The following PSD3 variants were observed in gnomAD, a reference collection of about 807,000 sequenced individuals.
PSD3 encodes the protein pleckstrin and Sec7 domain containing 3.
A neutral mutation model predicts 105.5 loss-of-function variants in PSD3; 49 were observed. That is an observed-to-expected ratio of 0.46 (90% CI 0.37 to 0.59). The LOEUF is 0.59. PSD3 is among the 20% of genes least tolerant of loss of function. The probability of loss-of-function intolerance (pLI) is 0.00; values close to 1 mark genes in which losing one functional copy is unlikely to be tolerated. For synonymous variants in PSD3, 557 were observed against 457.8 expected, an observed-to-expected ratio of 1.22 and a Z score of -2.77; for missense variants, 1,561 against 1,263.8, an observed-to-expected ratio of 1.24 and a Z score of -3.57.
At chr8:18,716,036 G>A (rs1802564106) in intron 9 of PSD3, among the ~76,000 whole-genome samples, 1 of 152,220 alleles carries the variant, frequency 6.6e-6, no homozygotes, top group Admixed American at 6.5e-5. Flanking sequence ...TAAGAGGACA[G>A]AGCATAACGG....
At chr8:18,715,122 C>T (rs1379785755) in intron 9 of PSD3, among the ~76,000 whole-genome samples, 2 of 151,998 alleles carry the variant, frequency 1.3e-5, no homozygotes, top group East Asian at 3.9e-4. Flanking sequence ...ACACACTGGG[C>T]CTTGTAGGGG....
intron 8 of PSD3, among the ~76,000 whole-genome samples, chr8:18,790,729 C>T (rs1809639235): frequency 6.6e-6 from 1 of 151,990 alleles, no homozygotes; most frequent in East Asian, 1.9e-4. Flanking sequence ...AAACCCTCTG[C>T]AACTGTGAGA....
At chr8:18,993,938 A>G (rs1291036314) in intron 1 of PSD3, among the ~76,000 whole-genome samples, 1 of 152,056 alleles carries the variant, frequency 6.6e-6, no homozygotes, top group African/African-American at 2.4e-5. Flanking sequence ...TCCCTCAATC[A>G]TACCATTTAA....
intron 14 of PSD3, among the ~76,000 whole-genome samples, chr8:18,559,903 A>G (rs571881009): frequency 2.0e-5 from 3 of 152,342 alleles, no homozygotes; most frequent in Non-Finnish European, 4.4e-5. Context: ...CTACAGCAGC[A>G]TAAAGGGCTA....
intron 4 of PSD3, among the ~76,000 whole-genome samples, chr8:18,839,226 T>A (rs1384440448): frequency 6.6e-6 from 1 of 152,112 alleles, no homozygotes; most frequent in African/African-American, 2.4e-5. Context: ...AGTTCATCAG[T>A]TTCTGGCATT....
chr8:18,745,423 A>G (rs761847010), intron 9 of PSD3, among the ~76,000 whole-genome samples: 1 of 152,170 alleles, frequency 6.6e-6, no homozygotes, highest in Non-Finnish European at 1.5e-5. Flanking sequence ...TAATACTATC[A>G]CTTTGTTGCT....
chr8:18,772,753 G>A (rs562471668), intron 8 of PSD3, among the ~76,000 whole-genome samples: 14 of 152,200 alleles, frequency 9.2e-5, no homozygotes, highest in African/African-American at 2.6e-4. Flanking sequence ...CAGGTGATCT[G>A]CCCACCTTGG....
At chr8:18,725,879 A>G (rs1326137207) in intron 9 of PSD3, among the ~76,000 whole-genome samples, 1 of 152,224 alleles carries the variant, frequency 6.6e-6, no homozygotes. Context: ...GCAAAGAAAA[A>G]GAAAAAGGAA....
chr8:19,046,596 C>A (rs997247521), intron 1 of PSD3, among the ~76,000 whole-genome samples: 13 of 152,294 alleles, frequency 8.5e-5, no homozygotes, highest in East Asian at 3.9e-4. Context: ...CTTACCATTT[C>A]TTTCTGCCTT....
At position 18,868,645 on chromosome 8, in the gene PSD3, C is replaced by T. The variant is rs1817121133; in HGVS notation, c.1239-576G>A. 3.3e-5 allele frequency among the ~76,000 whole-genome samples: 5 copies of T among 152,216 alleles called. No individual in the cohort carries two copies. In the South Asian group the frequency reaches 1.0e-3, roughly 32 times the overall value. ...GCCAATTAACGGCCTAACAAAAAGG[C>T]AACAGAAGCAAGGCTAACCAAAGCT... On this transcript the variant is annotated intron_variant, in intron 3 of 15. Transcript: ENST00000327040.
At chr8:19,008,418 G>A (rs1340832592) in intron 1 of PSD3, among the ~76,000 whole-genome samples, 2 of 152,174 alleles carry the variant, frequency 1.3e-5, no homozygotes, top group Middle Eastern at 3.4e-3. Context: ...ATATAACTTC[G>A]CCAGAAAATA....
At chr8:18,947,493 G>T (rs926352017) in intron 1 of PSD3, among the ~76,000 whole-genome samples, 1 of 152,156 alleles carries the variant, frequency 6.6e-6, no homozygotes. Context: ...ACGCTCCCCT[G>T]GGACAAGGGG....
rs143113655 is a variant in PSD3 at position 19,083,381 on chromosome 8, G to A, written c.324+825C>T. Among the ~76,000 whole-genome samples, 378 of 152,330 alleles carry A rather than the reference G, an allele frequency of 2.5e-3. 3 individuals are homozygous for A. The highest frequency in any genetic ancestry group is 9.0e-3 in the African/African-American group (373 of 41,572). ...GGGCCAGAAGTGCGGAGTGTGAGAT[G>A]CTAACAACAAGGGCAGGCAAGGCCA... On this transcript the variant is annotated intron_variant, in intron 1 of 1. Transcript: ENST00000521475.
chr8:18,878,456 T>C (rs1051762402), intron 2 of PSD3, among the ~76,000 whole-genome samples: 1 of 152,146 alleles, frequency 6.6e-6, no homozygotes, highest in Non-Finnish European at 1.5e-5. Context: ...TGTTATACCA[T>C]TGCCTCTACA....
At chr8:18,809,819 A>T (rs1167548754) in intron 4 of PSD3, among the ~76,000 whole-genome samples, 1 of 152,090 alleles carries the variant, frequency 6.6e-6, no homozygotes. Flanking sequence ...TGTTGCCTAT[A>T]ATCTACTGAT....
At chr8:18,615,424 C>T (rs1805587378) in intron 11 of PSD3, among the ~76,000 whole-genome samples, 1 of 152,184 alleles carries the variant, frequency 6.6e-6, no homozygotes, top group Admixed American at 6.5e-5. Flanking sequence ...CCTTCCCCTC[C>T]CTTGTCCAAG....
At chr8:18,843,675 TG>T (rs1415497244) in intron 4 of PSD3, among the ~76,000 whole-genome samples, 1 of 152,200 alleles carries the variant, frequency 6.6e-6, no homozygotes. Flanking sequence ...TGTGCCATAC[TG>T]TTATTTGTTG....
In PSD3 at chr8:18,871,832, G is replaced by C; in HGVS notation, c.1032C>G (p.Leu344=). Residue 344 remains leucine, a synonymous_variant, in exon 3 of 16, where the codon CTC becomes CTG. Transcript: ENST00000327040. ...SKESSKVPRH[L]ISSAGLCNSS... is the part of the protein sequence containing the mutation. Reference sequence around the variant, plus strand: ...AATTACACAAACCAGCTGATGAGATGAGATGGCGTGGCACTTTGGAAGACT... The same window carrying C: ...AATTACACAAACCAGCTGATGAGATCAGATGGCGTGGCACTTTGGAAGACT... The C allele has an allele frequency of 6.2e-7, 1 of 1,614,204 alleles. No homozygotes were observed. The highest frequency in any genetic ancestry group is 8.5e-7 in the Non-Finnish European group (1 of 1,180,014).
At chr8:19,028,024 G>A (rs1827620630) in intron 1 of PSD3, among the ~76,000 whole-genome samples, 1 of 152,148 alleles carries the variant, frequency 6.6e-6, no homozygotes, top group Non-Finnish European at 1.5e-5. Context: ...GTTTTCCAAA[G>A]TGGCTATGCT....
Sources: allele counts gnomAD v4.1 joint callset (sites outside exome capture counted in the v4.1 genomes callset), GRCh38; gene constraint gnomAD v4.1.1; transcripts MANE v1.5; gene names NCBI Gene and HGNC (gene_info 2026-07-23, HGNC 2026-07-21).